NTRK3: variants seen among roughly 807,000 people sequenced by gnomAD.
The protein encoded by NTRK3 is NT-3 growth factor receptor.
A neutral mutation model predicts 91.7 loss-of-function variants in NTRK3; 24 were observed. That is an observed-to-expected ratio of 0.26 (90% confidence interval 0.19 to 0.37). NTRK3 has a LOEUF of 0.37. Ranked by LOEUF, NTRK3 falls within the 10% of genes least tolerant of loss-of-function variation. NTRK3 has a pLI of 1.00. For synonymous variants in NTRK3, 483 were observed against 404.0 expected, an observed-to-expected ratio of 1.20 and a Z score of -2.34; for missense variants, 880 against 1,068.9, an observed-to-expected ratio of 0.82 and a Z score of 2.46.
chr15:88,192,760 T>C (rs1361022694), intron 3 of NTRK3, among the ~76,000 whole-genome samples: 1 of 152,170 alleles, frequency 6.6e-6, no homozygotes, highest in Admixed American at 6.5e-5. Flanking sequence ...TATTCCCAAC[T>C]GGACCTCCTA....
chr15:88,056,071 G>T (rs754510410), intron 13 of NTRK3, among the ~76,000 whole-genome samples: 1 of 151,702 alleles, frequency 6.6e-6, no homozygotes, highest in African/African-American at 2.4e-5. Flanking sequence ...AAACAAAGGA[G>T]CATGGCAGGC....
intron 5 of NTRK3, among the ~76,000 whole-genome samples, chr15:88,176,803 T>C (rs1038263188): frequency 1.3e-5 from 2 of 152,226 alleles, no homozygotes; most frequent in Non-Finnish European, 2.9e-5. Flanking sequence ...GTGCGGGAGA[T>C]AGAGTATCAA....
intron 13 of NTRK3, among the ~76,000 whole-genome samples, chr15:88,037,871 T>C (rs1427951639): frequency 1.3e-5 from 2 of 152,198 alleles, no homozygotes; most frequent in Non-Finnish European, 2.9e-5. Context: ...ATTTTCCCCA[T>C]TTTAAAGACG....
intron 18 of NTRK3, among the ~76,000 whole-genome samples, chr15:87,877,798 C>T (rs1350714960): frequency 2.0e-5 from 3 of 152,078 alleles, no homozygotes; most frequent in Admixed American, 6.5e-5. Flanking sequence ...AGTCTGTTAA[C>T]CTCAGGATCT....
intron 10 of NTRK3, among the ~76,000 whole-genome samples, 172 bp downstream of exon 10, chr15:88,134,929 T>C (rs1052973595): frequency 2.0e-5 from 3 of 152,338 alleles, no homozygotes; most frequent in Admixed American, 1.3e-4. Context: ...GGAGACTCTA[T>C]CCTTGTTTAT....
At chr15:87,966,893 G>C (rs995625700) in intron 14 of NTRK3, among the ~76,000 whole-genome samples, 2 of 152,140 alleles carry the variant, frequency 1.3e-5, no homozygotes, top group Non-Finnish European at 1.5e-5. Context: ...GTTTCTCAAC[G>C]TTAATACTGT....
rs138650680 is a variant in NTRK3, at chr15:87,943,123, T to C, written c.1586-2370A>G. Among the ~76,000 whole-genome samples the C allele has an allele frequency of 5.5e-4, 84 of 152,266 alleles. 1 individual carries two copies. The East Asian group carries it at 0.013, about 24-fold the overall frequency. ...TCCTCCACCAGGGATTCCAATCTAG[T>C]AGGTCCAGGTTGAGGCCTGAAAATA... On this transcript the variant is annotated intron_variant, in intron 14 of 18. Coordinates refer to ENST00000394480, the Ensembl canonical transcript of NTRK3.
At position 88,136,055 on chromosome 15, in the gene NTRK3, A is replaced by T. The variant is rs2041848098; in HGVS notation, c.766-15T>A. 1.2e-6 allele frequency: 2 copies of T among 1,614,090 alleles called. No individual in the cohort carries two copies. The highest frequency in any genetic ancestry group is 2.2e-5 in the South Asian group (2 of 91,090). ...TTCAGATTGGTCTGAAAACCCCAAT[A>T]AAAAGATAACAATCAGATAGCTTCT... On this transcript the variant is annotated splice_polypyrimidine_tract_variant and intron_variant, in intron 8 of 18. Transcript: ENST00000394480.
intron 3 of NTRK3, among the ~76,000 whole-genome samples, chr15:88,200,959 C>T (rs866894094): frequency 1.3e-5 from 2 of 152,366 alleles, no homozygotes; most frequent in Middle Eastern, 3.4e-3. Context: ...AGCACACCAT[C>T]ATCTTTCCTT....
intron 3 of NTRK3, among the ~76,000 whole-genome samples, chr15:88,228,535 T>C (rs886580260): frequency 1.3e-5 from 2 of 152,178 alleles, no homozygotes; most frequent in African/African-American, 4.8e-5. Context: ...TCCCTTCCTC[T>C]TGGTCAGTTG....
intron 17 of NTRK3, among the ~76,000 whole-genome samples, chr15:87,917,265 A>C (rs2067512670): frequency 6.6e-6 from 1 of 152,188 alleles, no homozygotes; most frequent in Non-Finnish European, 1.5e-5. Context: ...AAAAAGACAA[A>C]TCTCTCACTG....
chr15:88,179,949 G>A (rs1388473122), intron 5 of NTRK3, among the ~76,000 whole-genome samples: 1 of 152,210 alleles, frequency 6.6e-6, no homozygotes, highest in Non-Finnish European at 1.5e-5. Context: ...GCTCCACTGT[G>A]AGACAGAAAT....
At chr15:88,069,072 A>G (rs1308367850) in intron 13 of NTRK3, among the ~76,000 whole-genome samples, 1 of 152,116 alleles carries the variant, frequency 6.6e-6, no homozygotes, top group Non-Finnish European at 1.5e-5. Context: ...AGGCTTAATC[A>G]TGGGGAGATG....
At chr15:88,039,473 T>C (rs933035672) in intron 13 of NTRK3, among the ~76,000 whole-genome samples, 3 of 152,198 alleles carry the variant, frequency 2.0e-5, no homozygotes, top group African/African-American at 7.2e-5. Context: ...AGAAACTCGA[T>C]GGCCCTGACA....
chr15:87,902,287 C>G (rs982977848), intron 17 of NTRK3, among the ~76,000 whole-genome samples: 12 of 152,322 alleles, frequency 7.9e-5, no homozygotes, highest in African/African-American at 2.6e-4. Flanking sequence ...AGAAATGGCA[C>G]TGATAATTTC....
chr15:88,045,648 G>A (rs1293264229), intron 13 of NTRK3, among the ~76,000 whole-genome samples: 1 of 152,228 alleles, frequency 6.6e-6, no homozygotes, highest in Non-Finnish European at 1.5e-5. Flanking sequence ...GAGGCTAGCA[G>A]TTGGAAATCA....
intron 5 of NTRK3, among the ~76,000 whole-genome samples, chr15:88,177,640 T>TC (rs1256463067): frequency 6.6e-6 from 1 of 152,172 alleles, no homozygotes; most frequent in Non-Finnish European, 1.5e-5. Flanking sequence ...AAATCAAGAA[T>TC]CCTGTCTTGG....
chr15:88,177,682 G>A (rs2046120213), intron 5 of NTRK3, among the ~76,000 whole-genome samples: 2 of 152,194 alleles, frequency 1.3e-5, no homozygotes, highest in African/African-American at 2.4e-5. Context: ...ACTGGGGCAT[G>A]CAAGTAGGCA....
At chr15:87,894,575 A>T (rs2141596559) in intron 17 of NTRK3, among the ~76,000 whole-genome samples, 1 of 152,284 alleles carries the variant, frequency 6.6e-6, no homozygotes, top group African/African-American at 2.4e-5. Flanking sequence ...ATGGAGGAGG[A>T]AAGACCCAAA....
Sources: gnomAD v4.1 joint callset for allele counts (sites outside exome capture counted in the v4.1 genomes callset) on GRCh38, gnomAD v4.1.1 for gene constraint, MANE v1.5 for transcripts, NCBI Gene and HGNC (gene_info 2026-07-23, HGNC 2026-07-21) for gene names.